Variants in DNAAF4 observed in about 807,000 individuals in gnomAD.
DNAAF4 encodes dynein assembly factor 4, axonemal.
DNAAF4 carries 43 observed loss-of-function variants against 51.8 expected under a neutral mutation model. The observed-to-expected ratio is 0.83, with a 90% CI of 0.65 to 1.07. The LOEUF (loss-of-function observed/expected upper bound fraction) is 1.07. DNAAF4 is among the 50% of genes least tolerant of loss of function. The probability of loss-of-function intolerance (pLI) is 0.00; values close to 1 mark genes in which losing one functional copy is unlikely to be tolerated. For synonymous variants in DNAAF4, 194 were observed against 165.6 expected, an observed-to-expected ratio of 1.17 and a Z score of -1.32; for missense variants, 581 against 493.0, an observed-to-expected ratio of 1.18 and a Z score of -1.69.
chr15:55,442,268 G>A (rs576711078), intron 6 of DNAAF4, among the ~76,000 whole-genome samples: 3 of 152,170 alleles, frequency 2.0e-5, no homozygotes, highest in South Asian at 4.2e-4. Flanking sequence ...ACAGGCACAC[G>A]CCACCATGCC....
chr15:55,479,085 T>C (rs750485086), intron 4 of DNAAF4, among the ~76,000 whole-genome samples: 8 of 151,408 alleles, frequency 5.3e-5, no homozygotes, highest in African/African-American at 1.2e-4. Flanking sequence ...ACTAGCTGTA[T>C]GCACATTTTC....
At chr15:55,462,839 C>G (rs2058112561) in intron 5 of DNAAF4, among the ~76,000 whole-genome samples, 1 of 151,986 alleles carries the variant, frequency 6.6e-6, no homozygotes, top group Admixed American at 6.6e-5. Context: ...AAACAGAAGT[C>G]AAAACAAAAA....
intron 4 of DNAAF4, 155 bp downstream of exon 4, chr15:55,490,967 AC>A: frequency 4.0e-5 from 32 of 792,316 alleles, no homozygotes; most frequent in Middle Eastern, 3.1e-4. Context: ...AAAAAAAAAA[AC>A]ACACATATAA....
intron 7 of DNAAF4, among the ~76,000 whole-genome samples, chr15:55,419,005 C>T (rs1438387985): frequency 6.6e-6 from 1 of 150,986 alleles, no homozygotes; most frequent in Non-Finnish European, 1.5e-5. Context: ...CGACCTCCGC[C>T]TCCCAGGTTC....
At chr15:55,443,261 C>G in intron 6 of DNAAF4, 1 of 1,588,614 alleles carries the variant, frequency 6.3e-7, no homozygotes, top group Admixed American at 1.7e-5. Flanking sequence ...GACCTCAGCG[C>G]GGGTTGCGGC....
At chr15:55,481,648 C>A (rs139738969) in intron 4 of DNAAF4, among the ~76,000 whole-genome samples, 1 of 152,252 alleles carries the variant, frequency 6.6e-6, no homozygotes, top group African/African-American at 2.4e-5. Flanking sequence ...CTAATCCGCA[C>A]GAAGCAATTA....
downstream of DNAAF4, among the ~76,000 whole-genome samples, chr15:55,427,740 A>G (rs1469353324): frequency 6.6e-6 from 1 of 151,608 alleles, no homozygotes; most frequent in Non-Finnish European, 1.5e-5. Context: ...GGTTCAAGGG[A>G]TTCTCCTGCC....
In DNAAF4 at chr15:55,485,642, T is replaced by TA. The variant is rs765276606; in HGVS notation, c.405+5480dup. 2.3e-3 allele frequency among the ~76,000 whole-genome samples: 339 copies of TA among 148,344 alleles called. 3 individuals are homozygous for TA. Among genetic ancestry groups the TA allele is most frequent in the African/African-American group, 5.9e-3 (239 of 40,422 alleles). On this transcript the variant is annotated intron_variant, in intron 4 of 9. Transcript: ENST00000321149. ...AAAACAAAACAAAAACAAGAAATGA[T>TA]AAAAAAAAAATTCAAGATAGAAGTG...
At chr15:55,470,336 G>T (rs1436606860) in intron 4 of DNAAF4, among the ~76,000 whole-genome samples, 1 of 151,970 alleles carries the variant, frequency 6.6e-6, no homozygotes, top group Non-Finnish European at 1.5e-5. Flanking sequence ...ACAGGCGTGA[G>T]CCACCGCGCC....
intron 6 of DNAAF4, among the ~76,000 whole-genome samples, chr15:55,445,022 ATTGAATACCCTTTT>A (rs1485441337): frequency 7.0e-6 from 1 of 142,742 alleles, no homozygotes; most frequent in African/African-American, 2.6e-5. Flanking sequence ...TCTTTTCCTA[ATTGAATACCCTTTT>A]TTTTTTTTTT....
intron 5 of DNAAF4, among the ~76,000 whole-genome samples, chr15:55,462,737 T>C (rs2058111140): frequency 2.0e-5 from 3 of 151,512 alleles, no homozygotes; most frequent in African/African-American, 7.3e-5. Context: ...ATCAAAAAGG[T>C]AATACACCAT....
chr15:55,494,188 C>T (rs909758196), intron 3 of DNAAF4, among the ~76,000 whole-genome samples: 2 of 152,002 alleles, frequency 1.3e-5, no homozygotes, highest in Non-Finnish European at 2.9e-5. Flanking sequence ...CGCCACCATG[C>T]CCGGCTAATT....
At chr15:55,426,172 T>C (rs770147035), downstream of DNAAF4, among the ~76,000 whole-genome samples, 3 of 152,122 alleles carry the variant, frequency 2.0e-5, no homozygotes, top group African/African-American at 4.8e-5. Context: ...GATGAGCCAG[T>C]TTATTGAGCT....
intron 2 of DNAAF4, 87 bp downstream of exon 2, chr15:55,498,120 T>C: frequency 6.3e-7 from 1 of 1,597,074 alleles, no homozygotes; most frequent in Non-Finnish European, 8.5e-7. Context: ...TCGGCAAAGA[T>C]GAGCCTGTTG....
In DNAAF4 at chr15:55,498,320, G is replaced by C; in HGVS notation, c.10C>G (p.Gln4Glu). The change falls in exon 2 of 10, where the codon CAG becomes GAG. Residue 4 changes from glutamine to glutamate, a missense_variant. Gln to Glu is a conservative substitution (Grantham distance 29, BLOSUM62 2). Coordinates refer to ENST00000321149, the MANE Select transcript of DNAAF4 (RefSeq NM_130810.4). The part of the protein sequence containing the change: MPL[Q>E]VSDYSWQQTK... Reference sequence around the variant, plus strand: ...TGCTGCCAGCTGTAATCGCTAACCTGAAGAGGCATTCCGGTAGCAACGGGA... The same window carrying C: ...TGCTGCCAGCTGTAATCGCTAACCTCAAGAGGCATTCCGGTAGCAACGGGA... The C allele has an allele frequency of 6.2e-7, 1 of 1,605,592 alleles. No homozygotes were observed. Among genetic ancestry groups the C allele is most frequent in the Non-Finnish European group, 8.5e-7 (1 of 1,175,030 alleles).
chr15:55,427,069 T>C (rs1442928755), downstream of DNAAF4, among the ~76,000 whole-genome samples: 1 of 151,906 alleles, frequency 6.6e-6, no homozygotes, highest in African/African-American at 2.4e-5. Context: ...TGTTTTTTTT[T>C]GTTTGTTTGT....
At chr15:55,501,855 C>T (rs1446340412) in intron 1 of DNAAF4, among the ~76,000 whole-genome samples, 2 of 151,684 alleles carry the variant, frequency 1.3e-5, no homozygotes, top group Non-Finnish European at 2.9e-5. Flanking sequence ...CCAGCCTGGC[C>T]AACATGGTGA....
rs1369196015 is a variant in DNAAF4 at position 55,498,281 on chromosome 15, C to T, written c.49G>A (p.Val17Ile). The change falls in exon 2 of 10, where the codon GTC becomes ATC. Residue 17 changes from valine (V) to isoleucine (I), a missense_variant. By Grantham distance (29) the Val-to-Ile change is conservative (BLOSUM62 3). Coordinates refer to ENST00000321149, the MANE Select transcript of DNAAF4 (RefSeq NM_130810.4). ...CCTTTGAGGGGCAGAGACAGAAAGA[C>T]CGCAGTCTTCGTCTGCTGCCAGCTG... ...DYSWQQTKTAVFLSLPLKGVC... is the reference protein window; with the variant it reads ...DYSWQQTKTAIFLSLPLKGVC... 1 of 1,613,548 alleles carries T rather than the reference C, an allele frequency of 6.2e-7. No homozygotes were observed. The highest frequency in any genetic ancestry group is 8.5e-7 in the Non-Finnish European group (1 of 1,179,718).
chr15:55,487,281 T>C (rs1377552079), intron 4 of DNAAF4, among the ~76,000 whole-genome samples: 1 of 152,232 alleles, frequency 6.6e-6, no homozygotes, highest in East Asian at 1.9e-4. Flanking sequence ...CAGTGCTCTG[T>C]GTCTAGCTAA....
Sources: allele counts gnomAD v4.1 joint callset (sites outside exome capture counted in the v4.1 genomes callset), GRCh38; gene constraint gnomAD v4.1.1; transcripts MANE v1.5; gene names NCBI Gene and HGNC (gene_info 2026-07-23, HGNC 2026-07-21).